Variants in DLG2 observed in about 807,000 individuals in gnomAD.
The protein encoded by DLG2 is disks large homolog 2.
Under a neutral mutation model 132.5 loss-of-function variants are expected in DLG2, and 45 were observed. The observed-to-expected ratio is 0.34, with a 90% CI of 0.27 to 0.44. The LOEUF (loss-of-function observed/expected upper bound fraction) is 0.44, where lower values mean the gene tolerates loss of function less well. Ranked by LOEUF, DLG2 falls within the 20% of genes least tolerant of loss-of-function variation. The pLI is 1.00. For missense variants in DLG2, 1,045 were observed against 1,196.9 expected (o/e 0.87, Z 1.87); for synonymous variants, 424 against 419.6 (o/e 1.01, Z -0.13).
rs79032794 is a variant in DLG2, at chr11:85,477,114, G to T, written c.40+121543C>A. Among the ~76,000 whole-genome samples, 348 of 152,158 alleles carry T rather than the reference G, an allele frequency of 2.3e-3. 1 individual carries two copies. Among genetic ancestry groups the T allele is most frequent in the African/African-American group, 8.1e-3 (335 of 41,520 alleles). Reference sequence around the variant, plus strand: ...TTTCAGCTCCATTATAATCATATGGGACCATAATCATACATGTAGTCGGCT... The same window carrying T: ...TTTCAGCTCCATTATAATCATATGGTACCATAATCATACATGTAGTCGGCT... On this transcript the variant is annotated intron_variant, in intron 3 of 27. Coordinates refer to ENST00000376104, the MANE Select transcript of DLG2 (RefSeq NM_001142699.3).
At chr11:83,675,064 TGGAA>T (rs965649948) in intron 18 of DLG2, among the ~76,000 whole-genome samples, 1 of 152,164 alleles carries the variant, frequency 6.6e-6, no homozygotes, top group African/African-American at 2.4e-5. Context: ...GCTGTAAAAG[TGGAA>T]AAACAATCCA....
chr11:83,946,227 A>G (rs183627344), intron 14 of DLG2, among the ~76,000 whole-genome samples: 9 of 152,182 alleles, frequency 5.9e-5, no homozygotes, highest in African/African-American at 1.9e-4. Flanking sequence ...ACCTCAGGTA[A>G]TCTACCCGCC....
intron 18 of DLG2, among the ~76,000 whole-genome samples, chr11:83,715,859 T>C (rs1347453405): frequency 1.3e-5 from 2 of 152,200 alleles, no homozygotes; most frequent in Non-Finnish European, 2.9e-5. Context: ...TCTTCAGGGT[T>C]GACTTCTCAA....
intron 6 of DLG2, among the ~76,000 whole-genome samples, chr11:84,714,555 CTCTT>C (rs1466772063): frequency 3.6e-5 from 3 of 83,186 alleles, no homozygotes; most frequent in Admixed American, 1.3e-4. Flanking sequence ...CTCTTTCTCT[CTCTT>C]TCTCTTTCTC....
At chr11:84,731,289 T>G (rs541776971) in intron 6 of DLG2, among the ~76,000 whole-genome samples, 1 of 152,170 alleles carries the variant, frequency 6.6e-6, no homozygotes, top group African/African-American at 2.4e-5. Flanking sequence ...ATCTACTATG[T>G]GCTAGACACT....
rs183891754 is a variant in DLG2, at chr11:84,240,623, G to T, written c.573+10615C>A. Among the ~76,000 whole-genome samples, 749 of 152,262 alleles carry T rather than the reference G, an allele frequency of 4.9e-3. 3 individuals are homozygous for T. The highest frequency in any genetic ancestry group is 8.5e-3 in the Non-Finnish European group (578 of 68,014). On this transcript the variant is annotated intron_variant, in intron 8 of 27. Coordinates refer to ENST00000376104, the MANE Select transcript of DLG2 (RefSeq NM_001142699.3). ...AGGGATTGATGGAGGCTTCCTGATGGTGGTGGCAGTTTATTGAGATCTAAA... is the reference window on the plus strand; with the variant it reads ...AGGGATTGATGGAGGCTTCCTGATGTTGGTGGCAGTTTATTGAGATCTAAA...
intron 18 of DLG2, among the ~76,000 whole-genome samples, chr11:83,771,412 C>T (rs992033309): frequency 1.2e-4 from 18 of 152,236 alleles, no homozygotes; most frequent in African/African-American, 4.3e-4. Flanking sequence ...AAAAATACAG[C>T]AATGTGTTGC....
intron 3 of DLG2, among the ~76,000 whole-genome samples, chr11:85,344,002 CAAT>C (rs1165515795): frequency 6.6e-6 from 1 of 152,106 alleles, no homozygotes; most frequent in Non-Finnish European, 1.5e-5. Context: ...TTTTTAAAAA[CAAT>C]AATAGCAGTA....
chr11:83,687,692 C>G (rs949543537), intron 18 of DLG2, among the ~76,000 whole-genome samples: 1 of 151,904 alleles, frequency 6.6e-6, no homozygotes, highest in Non-Finnish European at 1.5e-5. Flanking sequence ...GTTGGCAATT[C>G]TGTGGCCTAT....
At chr11:83,481,377 TA>T (rs2093091370) in intron 22 of DLG2, among the ~76,000 whole-genome samples, 1 of 147,556 alleles carries the variant, frequency 6.8e-6, no homozygotes, top group African/African-American at 2.5e-5. Context: ...TTACTTTAAT[TA>T]AATGAAGAAC....
At chr11:84,386,357 T>C (rs866228006) in intron 7 of DLG2, among the ~76,000 whole-genome samples, 2 of 152,130 alleles carry the variant, frequency 1.3e-5, no homozygotes, top group Admixed American at 6.5e-5. Context: ...TTGATATTTA[T>C]AATATTATTT....
intron 3 of DLG2, among the ~76,000 whole-genome samples, chr11:85,435,051 A>G (rs1029433806): frequency 2.6e-5 from 4 of 152,218 alleles, no homozygotes; most frequent in Non-Finnish European, 5.9e-5. Context: ...CATCACATAA[A>G]CAGAACCAAT....
At chr11:84,240,030 T>C (rs536590156) in intron 8 of DLG2, among the ~76,000 whole-genome samples, 161 of 152,318 alleles carry the variant, frequency 1.1e-3, no homozygotes, top group Middle Eastern at 3.4e-3. Context: ...CAGTCTCCCT[T>C]TGCATCTAGG....
chr11:85,014,203 T>C (rs2059382437), intron 6 of DLG2, among the ~76,000 whole-genome samples: 1 of 152,176 alleles, frequency 6.6e-6, no homozygotes. Context: ...CTGCTTAACT[T>C]TTCTGAGCCT....
intron 7 of DLG2, among the ~76,000 whole-genome samples, chr11:84,462,957 C>T (rs891103631): frequency 9.3e-5 from 14 of 151,146 alleles, no homozygotes; most frequent in African/African-American, 2.7e-4. Flanking sequence ...AGCTAGCTTT[C>T]GGAAGTGTCA....
chr11:84,605,145 G>T (rs1232002822), intron 6 of DLG2, among the ~76,000 whole-genome samples: 1 of 151,806 alleles, frequency 6.6e-6, no homozygotes, highest in Non-Finnish European at 1.5e-5. Context: ...CAAGGTTAAT[G>T]CCATAAATTA....
chr11:85,090,340 T>C (rs1289916331), intron 6 of DLG2, among the ~76,000 whole-genome samples: 5 of 152,226 alleles, frequency 3.3e-5, no homozygotes, highest in Admixed American at 6.5e-5. Context: ...CATCTTTTCC[T>C]GCTATTCTCT....
At chr11:85,191,162 G>GCA (rs3067460) in intron 4 of DLG2, among the ~76,000 whole-genome samples, 31,896 of 139,580 alleles carry the variant, frequency 0.23, 3,549 homozygotes, top group Admixed American at 0.27. Context: ...GCGCACGCGC[G>GCA]CACACACACA....
intron 18 of DLG2, among the ~76,000 whole-genome samples, chr11:83,712,549 G>A (rs941376063): frequency 6.6e-6 from 1 of 152,150 alleles, no homozygotes; most frequent in Admixed American, 6.6e-5. Flanking sequence ...AGAATTACTT[G>A]AACCTGTGGG....
Sources: gnomAD v4.1 joint callset for allele counts (sites outside exome capture counted in the v4.1 genomes callset) on GRCh38, gnomAD v4.1.1 for gene constraint, MANE v1.5 for transcripts, NCBI Gene and HGNC (gene_info 2026-07-23, HGNC 2026-07-21) for gene names.